MIB1: variants seen among roughly 807,000 people sequenced by gnomAD.
MIB1 encodes MIB E3 ubiquitin protein ligase 1, also known as E3 ubiquitin-protein ligase MIB1.
In MIB1, 278 loss-of-function variants were observed where a neutral mutation model predicts 124.5. The observed-to-expected ratio is 2.23, with a 90% CI of 2.02 to 2.47. The LOEUF is 2.47. Among genes scored for constraint, MIB1 ranks in the 30% most tolerant of loss-of-function variants. The probability of loss-of-function intolerance (pLI) is 0.00; values close to 1 mark genes in which losing one functional copy is unlikely to be tolerated. For missense variants in MIB1, 957 were observed against 1,254.4 expected, an observed-to-expected ratio of 0.76 and a Z score of 3.58; for synonymous variants, 446 against 429.4, an observed-to-expected ratio of 1.04 and a Z score of -0.48.
intron 15 of MIB1, 72 bp from the exon 16 acceptor site, chr18:21,846,870 CAT>C (rs1193475674): frequency 1.4e-6 from 2 of 1,404,440 alleles, no homozygotes; most frequent in Admixed American, 1.8e-5. Flanking sequence ...ACCACACACA[CAT>C]ACATATATAT....
chr18:21,778,053 G>A lies in MIB1; in HGVS notation c.637-50G>A, dbSNP rs967901399. 6.5e-6 allele frequency: 8 copies of A among 1,230,326 alleles called. 1 individual carries two copies. In the Middle Eastern group the frequency reaches 1.1e-3, roughly 174 times the overall value. The allele number at this position is 1,230,326 out of a possible 1,614,324, so 76.2% of individuals were successfully genotyped here. A position where few individuals can be genotyped will look rare whatever the true frequency, so the allele number is the denominator to read the frequency against. On this transcript the variant is annotated intron_variant, in intron 4 of 20. Coordinates refer to ENST00000261537, the MANE Select transcript of MIB1 (RefSeq NM_020774.4). ...TATTCTTGCCTGTTTCAGATACTGAGCCATATTTGAAGTTTCATGGGTGAT... is the reference window on the plus strand; with the variant it reads ...TATTCTTGCCTGTTTCAGATACTGAACCATATTTGAAGTTTCATGGGTGAT...
At chr18:21,723,736 G>A (rs1256027611) in intron 1 of MIB1, among the ~76,000 whole-genome samples, 3 of 152,052 alleles carry the variant, frequency 2.0e-5, no homozygotes, top group Non-Finnish European at 2.9e-5. Flanking sequence ...GGCTGGTCTC[G>A]AACCCCTGAC....
At chr18:21,767,293 TC>T (rs2041172669) in intron 2 of MIB1, among the ~76,000 whole-genome samples, 1 of 152,236 alleles carries the variant, frequency 6.6e-6, no homozygotes, top group East Asian at 1.9e-4. Flanking sequence ...CGCCCTTCCT[TC>T]TTCACATGGC....
intron 12 of MIB1, among the ~76,000 whole-genome samples, chr18:21,821,019 T>C (rs528988655): frequency 4.6e-5 from 7 of 152,328 alleles, no homozygotes; most frequent in African/African-American, 1.7e-4. Flanking sequence ...AGAGTTATCT[T>C]TGCTCTCTCA....
chr18:21,792,028 T>C (rs756611839), intron 7 of MIB1, among the ~76,000 whole-genome samples: 8 of 152,208 alleles, frequency 5.3e-5, no homozygotes, highest in Non-Finnish European at 8.8e-5. Flanking sequence ...TTTCGTCAAA[T>C]GTTCATCAAC....
chr18:21,765,396 A>C (rs2146406107), intron 1 of MIB1, among the ~76,000 whole-genome samples: 1 of 152,300 alleles, frequency 6.6e-6, no homozygotes, highest in South Asian at 2.1e-4. Flanking sequence ...GTAATTGTTT[A>C]CCTAGAAAAT....
chr18:21,710,898 C>T (rs1260063611), intron 1 of MIB1, among the ~76,000 whole-genome samples: 1 of 141,578 alleles, frequency 7.1e-6, no homozygotes, highest in Non-Finnish European at 1.5e-5. Flanking sequence ...ACGATCTTGG[C>T]TCACTGCGAC....
chr18:21,844,356 CAGAG>C, intron 15 of MIB1, 103 bp downstream of exon 15: 2 of 1,213,540 alleles, frequency 1.6e-6, no homozygotes, highest in Admixed American at 2.3e-5. Context: ...AATATTTTAT[CAGAG>C]CTATGTACTT....
At chr18:21,779,735 A>G (rs773626661) in intron 6 of MIB1, 50 bp downstream of exon 6, 29 of 1,458,044 alleles carry the variant, frequency 2.0e-5, no homozygotes, top group Non-Finnish European at 2.7e-5. Context: ...ACTAATATAG[A>G]GAAAAGTCTT....
intron 1 of MIB1, among the ~76,000 whole-genome samples, chr18:21,750,569 C>T (rs973161173): frequency 3.3e-5 from 5 of 152,146 alleles, no homozygotes; most frequent in Admixed American, 6.5e-5. Context: ...TCTTGTGATC[C>T]GCCCGCCTCG....
At chr18:21,716,845 C>CT (rs2040692060) in intron 1 of MIB1, among the ~76,000 whole-genome samples, 2 of 151,488 alleles carry the variant, frequency 1.3e-5, no homozygotes, top group Admixed American at 1.3e-4. Flanking sequence ...GAGTGAGACT[C>CT]TATCTCAAAA....
chr18:21,852,613 TG>T (rs1295436966), intron 17 of MIB1, among the ~76,000 whole-genome samples: 2 of 152,188 alleles, frequency 1.3e-5, no homozygotes, highest in African/African-American at 4.8e-5. Flanking sequence ...CCCAAAGCTG[TG>T]GGCTTCAGGC....
chr18:21,721,159 GTTTTTTTTTTTTTTTTTTT>G lies in MIB1; in HGVS notation n.167+16057_167+16075del, dbSNP rs34277676. 7.7e-3 allele frequency among the ~76,000 whole-genome samples: 230 copies of G among 29,760 alleles called. 2 individuals are homozygous for G. The highest frequency in any genetic ancestry group is 0.014 in the Non-Finnish European group (187 of 13,526). The allele number at this position is 29,760 out of a possible 152,430, so 19.5% of individuals were successfully genotyped here. A position where few individuals can be genotyped will look rare whatever the true frequency, so the allele number is the denominator to read the frequency against. On this transcript the variant is annotated intron_variant and non_coding_transcript_variant, in intron 1 of 20. Transcript: ENST00000578646. ...TGAAAGATTTAAACATTTTAAAGAA[GTTTTTTTTTTTTTTTTTTT>G]TTTTTTTTTTTTTTTTTTTTGAGAC...
At position 21,868,681 on chromosome 18, in the gene MIB1, T is replaced by TA. The variant is rs2042337087; in HGVS notation, c.*4015_*4016insA. 1 of 152,456 alleles carries TA rather than the reference T, an allele frequency of 6.6e-6. No homozygotes were observed. The highest frequency in any genetic ancestry group is 2.4e-5 in the African/African-American group (1 of 41,448). The allele number at this position is 152,456 out of a possible 1,614,324, so 9.4% of individuals were successfully genotyped here. On this transcript the variant is annotated 3_prime_UTR_variant, in exon 21 of 21. Coordinates refer to ENST00000261537, the MANE Select transcript of MIB1 (RefSeq NM_020774.4). ...AAAAGGCAACGTTACTTCATTTGCT[T>TA]GAATATTATGATAGGAATGCTTACT...
chr18:21,843,146 G>T lies in MIB1; in HGVS notation c.1978G>T (p.Asp660Tyr). ...TCTCGTTCAGGGTAATGCAAACCTG[G>T]ATATCCAGAATGTGAACCAACAAAC... ...LLVHQGNANLDIQNVNQQTAL... is the reference protein window; with the variant it reads ...LLVHQGNANLYIQNVNQQTAL... The change falls in exon 14 of 21, where the codon GAT becomes TAT. Residue 660 changes from aspartate to tyrosine, a missense_variant. Coordinates refer to ENST00000261537, the MANE Select transcript of MIB1 (RefSeq NM_020774.4). The T allele has an allele frequency of 6.2e-7, 1 of 1,601,362 alleles. No individual in the cohort carries two copies. Among genetic ancestry groups the T allele is most frequent in the Non-Finnish European group, 8.5e-7 (1 of 1,175,250 alleles).
chr18:21,756,613 C>T (rs186755294), intron 1 of MIB1, among the ~76,000 whole-genome samples: 4 of 152,128 alleles, frequency 2.6e-5, no homozygotes, highest in Admixed American at 2.6e-4. Flanking sequence ...CACAGGCGTA[C>T]ACCACCGTGG....
At chr18:21,839,112 G>A (rs1367889893) in intron 13 of MIB1, among the ~76,000 whole-genome samples, 1 of 152,160 alleles carries the variant, frequency 6.6e-6, no homozygotes. Context: ...TAGATGCACT[G>A]AAGTTATCAA....
At chr18:21,842,493 C>T (rs1275830897) in intron 13 of MIB1, among the ~76,000 whole-genome samples, 6 of 152,138 alleles carry the variant, frequency 3.9e-5, no homozygotes, top group African/African-American at 1.4e-4. Context: ...TGACCTAGGT[C>T]CCCTGACTCC....
At chr18:21,748,025 C>G (rs1351069563) in intron 1 of MIB1, among the ~76,000 whole-genome samples, 1 of 152,132 alleles carries the variant, frequency 6.6e-6, no homozygotes, top group Non-Finnish European at 1.5e-5. Context: ...CTCATTGGAT[C>G]AGAGATTAGA....
Sources: allele counts gnomAD v4.1 joint callset (sites outside exome capture counted in the v4.1 genomes callset), GRCh38; gene constraint gnomAD v4.1.1; transcripts MANE v1.5; gene names NCBI Gene and HGNC (gene_info 2026-07-23, HGNC 2026-07-21).